SLC47A1: variants seen among roughly 807,000 people sequenced by gnomAD.
SLC47A1 encodes the protein multidrug and toxin extrusion protein 1.
A neutral mutation model predicts 65.8 loss-of-function variants in SLC47A1; 58 were observed. That is an observed-to-expected ratio of 0.88 (90% confidence interval 0.71 to 1.10). The LOEUF is 1.10. SLC47A1 is among the 50% of genes least tolerant of loss of function. SLC47A1 has a pLI of 0.00. For synonymous variants in SLC47A1, 285 were observed against 295.0 expected (o/e 0.97, Z 0.35); for missense variants, 706 against 719.2 (o/e 0.98, Z 0.21).
At chr17:19,544,827 G>A (rs1262301600) in intron 2 of SLC47A1, among the ~76,000 whole-genome samples, 3 of 152,208 alleles carry the variant, frequency 2.0e-5, no homozygotes, top group African/African-American at 4.8e-5. Context: ...CTCTAGCCTA[G>A]GCTTTTCCCC....
In SLC47A1 at chr17:19,551,437, A is replaced by AGGC; in HGVS notation, c.512_513insGGC (p.Tyr171delinsTer). On this transcript the variant is annotated stop_gained, in exon 6 of 17. Transcript: ENST00000270570. LOFTEE classifies it high-confidence loss of function. ...GTTCTCTTGTAGGCAACCTTTCTTT[A>AGGC]TATGTTACAAGTTAAATATTTGCTC... 1 of 1,609,160 alleles carries AGGC rather than the reference A, an allele frequency of 6.2e-7. No individual in the cohort carries two copies. The highest frequency in any genetic ancestry group is 1.1e-5 in the South Asian group (1 of 90,994).
chr17:19,550,531 G>T (rs1916417850), intron 5 of SLC47A1, among the ~76,000 whole-genome samples: 1 of 152,094 alleles, frequency 6.6e-6, no homozygotes, highest in South Asian at 2.1e-4. Flanking sequence ...TCCCAGGCTG[G>T]TCTCAAACTC....
chr17:19,537,315 CG>C (rs1347881348), intron 1 of SLC47A1, among the ~76,000 whole-genome samples: 1 of 152,152 alleles, frequency 6.6e-6, no homozygotes, highest in Non-Finnish European at 1.5e-5. Context: ...CCGCTTTACC[CG>C]GGACACACAA....
chr17:19,568,302 A>C (rs550037559), intron 14 of SLC47A1, among the ~76,000 whole-genome samples: 2 of 152,206 alleles, frequency 1.3e-5, no homozygotes, highest in Admixed American at 6.5e-5. Context: ...GCCAATGCAA[A>C]GTTCATTGGG....
chr17:19,542,232 C>G (rs1597494059), intron 1 of SLC47A1, among the ~76,000 whole-genome samples, 161 bp from the exon 2 acceptor site: 1 of 152,316 alleles, frequency 6.6e-6, no homozygotes, highest in South Asian at 2.1e-4. Flanking sequence ...CATCCCCAGC[C>G]CCAGAAATTG....
intron 1 of SLC47A1, among the ~76,000 whole-genome samples, chr17:19,536,128 G>A (rs1032269790): frequency 6.6e-6 from 1 of 151,946 alleles, no homozygotes; most frequent in Non-Finnish European, 1.5e-5. Flanking sequence ...TAGAGATAGG[G>A]TCTCCCTGTG....
chr17:19,554,024 C>A (rs1916530614), intron 6 of SLC47A1, among the ~76,000 whole-genome samples: 1 of 152,184 alleles, frequency 6.6e-6, no homozygotes, highest in East Asian at 1.9e-4. Context: ...GTCCTGGCCC[C>A]ATCAGCCTGA....
In SLC47A1 at chr17:19,543,892, G is replaced by A. The variant is rs1017788362; in HGVS notation, c.237+1398G>A. The stretch of plus-strand genomic sequence containing the variant: ...TTGCTATCCATGAACTACGCGAAAC[G>A]CCTGGGAACTAGTCACCAAGTATAT... On this transcript the variant is annotated intron_variant, in intron 2 of 16. Transcript: ENST00000270570. Among the ~76,000 whole-genome samples the A allele has an allele frequency of 3.9e-5, 6 of 152,316 alleles. No homozygotes were observed. The East Asian group carries it at 5.8e-4, about 15-fold the overall frequency.
chr17:19,537,588 C>T (rs2152311721), intron 1 of SLC47A1, among the ~76,000 whole-genome samples: 1 of 152,368 alleles, frequency 6.6e-6, no homozygotes, highest in South Asian at 2.1e-4. Flanking sequence ...CCCGTTCCCT[C>T]CTCCAATCCG....
chr17:19,551,359 G>A (rs1916442831), intron 5 of SLC47A1, 65 bp from the exon 6 acceptor site: 8 of 1,405,346 alleles, frequency 5.7e-6, no homozygotes, highest in East Asian at 2.3e-5. Context: ...GCTCCCTGCC[G>A]TGTGACCTCA....
intron 12 of SLC47A1, among the ~76,000 whole-genome samples, chr17:19,561,265 T>A (rs1034211381): frequency 2.7e-5 from 4 of 148,634 alleles, no homozygotes; most frequent in African/African-American, 9.9e-5. Context: ...TCTCAAAATT[T>A]AAAAAAGAAA....
At chr17:19,539,005 T>C (rs1412241970) in intron 1 of SLC47A1, among the ~76,000 whole-genome samples, 1 of 151,898 alleles carries the variant, frequency 6.6e-6, no homozygotes, top group Non-Finnish European at 1.5e-5. Context: ...TGAGCTGAGC[T>C]CAAGTGATCC....
Position 19,546,482 on chromosome 17 carries a change from CT to C in SLC47A1, c.286del (p.Cys96ValfsTer14). On this transcript the variant is annotated frameshift_variant, in exon 3 of 17. Coordinates refer to ENST00000270570, the MANE Select transcript of SLC47A1 (RefSeq NM_018242.3). LOFTEE classifies it high-confidence loss of function. ...VSVGFGLSSACDTLISQTYGS... is the reference protein window; with the variant it reads ...VSVGFGLSSAXDTLISQTYGS... The stretch of plus-strand genomic sequence containing the variant: ...CAGTGGGATTCGGCTTATCTTCTGC[CT>C]GTGACACCCTCATCTCCCAGGTAAA... 6.2e-7 allele frequency: 1 copy of C among 1,613,772 alleles called. No homozygotes were observed. Among genetic ancestry groups the C allele is most frequent in the Non-Finnish European group, 8.5e-7 (1 of 1,179,944 alleles).
At chr17:19,534,097 C>T (rs1437707666) in intron 1 of SLC47A1, 23 bp downstream of exon 1, 2 of 1,505,698 alleles carry the variant, frequency 1.3e-6, no homozygotes, top group Admixed American at 2.2e-5. Context: ...GCCTCAGTGG[C>T]AGGCCGGTAC....
intron 14 of SLC47A1, 87 bp from the exon 15 acceptor site, chr17:19,571,391 T>G: frequency 8.8e-7 from 1 of 1,140,578 alleles, no homozygotes; most frequent in South Asian, 1.4e-5. Flanking sequence ...TCAGTATGGC[T>G]GACAGAAGTG....
At chr17:19,538,322 A>G (rs947383569) in intron 1 of SLC47A1, among the ~76,000 whole-genome samples, 1 of 152,258 alleles carries the variant, frequency 6.6e-6, no homozygotes, top group Non-Finnish European at 1.5e-5. Flanking sequence ...AACACAGTCC[A>G]CTGTAGAGTG....
intron 12 of SLC47A1, among the ~76,000 whole-genome samples, chr17:19,564,347 TA>T (rs994681672): frequency 2.3e-4 from 33 of 146,412 alleles, no homozygotes; most frequent in African/African-American, 6.8e-4. Context: ...AGACCCTGTC[TA>T]AAAAAAAAAG....
intron 12 of SLC47A1, among the ~76,000 whole-genome samples, chr17:19,565,212 T>C (rs2084346475): frequency 6.6e-6 from 1 of 152,178 alleles, no homozygotes; most frequent in South Asian, 2.1e-4. Context: ...AGGGGTTCCA[T>C]TTCTAGGAAC....
intron 15 of SLC47A1, among the ~76,000 whole-genome samples, chr17:19,572,495 A>AT (rs2084407614): frequency 1.3e-5 from 2 of 150,720 alleles, no homozygotes; most frequent in South Asian, 4.2e-4. Flanking sequence ...TTTGTTTTTA[A>AT]TTTTTTAATT....
Sources: gnomAD v4.1 joint callset for allele counts (sites outside exome capture counted in the v4.1 genomes callset) on GRCh38, gnomAD v4.1.1 for gene constraint, MANE v1.5 for transcripts, NCBI Gene and HGNC (gene_info 2026-07-23, HGNC 2026-07-21) for gene names.